Variants in RBPJ observed in about 807,000 individuals in gnomAD.
RBPJ encodes recombining binding protein suppressor of hairless.
A neutral mutation model predicts 67.8 loss-of-function variants in RBPJ; 9 were observed. The observed-to-expected ratio is 0.13, with a 90% confidence interval of 0.08 to 0.23. RBPJ has a LOEUF of 0.23. RBPJ is among the 10% of genes least tolerant of loss of function. The pLI, the probability that RBPJ is intolerant of heterozygous loss-of-function variation, is 1.00. For synonymous variants in RBPJ, 198 were observed against 203.3 expected (o/e 0.97, Z 0.22); for missense variants, 305 against 595.6 (o/e 0.51, Z 5.08).
At chr4:26,235,358 A>G (rs1285118614) in intron 1 of RBPJ, among the ~76,000 whole-genome samples, 1 of 152,252 alleles carries the variant, frequency 6.6e-6, no homozygotes, top group Non-Finnish European at 1.5e-5. Context: ...TGTGACCTAA[A>G]TAAGATGTGT....
chr4:26,420,872 T>C, intron 5 of RBPJ, 147 bp downstream of exon 5: 1 of 661,932 alleles, frequency 1.5e-6, no homozygotes, highest in Non-Finnish European at 2.5e-6. Flanking sequence ...CTTTTTTTAA[T>C]CGTAAATCGA....
At chr4:26,172,507 C>T (rs2109119682) in intron 1 of RBPJ, among the ~76,000 whole-genome samples, 1 of 152,266 alleles carries the variant, frequency 6.6e-6, no homozygotes, top group South Asian at 2.1e-4. Flanking sequence ...ATTTCCTATC[C>T]ACACTGCCAG....
the RBPJ span, among the ~76,000 whole-genome samples, chr4:26,140,240 C>T: frequency 7.2e-5 from 11 of 152,214 alleles, no homozygotes; most frequent in African/African-American, 2.2e-4. Context: ...GACACAGGGG[C>T]CTCCTTAATT....
the RBPJ span, among the ~76,000 whole-genome samples, chr4:26,109,577 C>CTATATATA: frequency 4.6e-4 from 23 of 49,558 alleles, 4 homozygotes; most frequent in African/African-American, 2.2e-3. Context: ...CTCTCTCTCT[C>CTATATATA]TCTATATATA....
the RBPJ span, among the ~76,000 whole-genome samples, chr4:26,136,097 C>T: frequency 2.3e-3 from 356 of 152,252 alleles, 2 homozygotes; most frequent in African/African-American, 7.8e-3. Flanking sequence ...CATCAGATCC[C>T]GTGAGACTTA....
chr4:26,308,531 A>G (rs531685498), intron 1 of RBPJ, among the ~76,000 whole-genome samples: 1 of 152,348 alleles, frequency 6.6e-6, no homozygotes, highest in Non-Finnish European at 1.5e-5. Flanking sequence ...TTGTTAACCT[A>G]ATTACAGCAG....
At chr4:26,108,373 T>TAAA in the RBPJ span, among the ~76,000 whole-genome samples, 1 of 152,218 alleles carries the variant, frequency 6.6e-6, no homozygotes, top group Non-Finnish European at 1.5e-5. Flanking sequence ...CAGTGGGCAG[T>TAAA]TCCCTTTGCC....
chr4:26,192,029 G>A (rs1454136530), intron 1 of RBPJ, among the ~76,000 whole-genome samples: 2 of 137,430 alleles, frequency 1.5e-5, no homozygotes, highest in African/African-American at 5.6e-5. Flanking sequence ...TTTTTTTTGA[G>A]GCAGAGTCTC....
chr4:26,313,729 G>A (rs903505459), intron 1 of RBPJ, among the ~76,000 whole-genome samples: 1 of 151,720 alleles, frequency 6.6e-6, no homozygotes, highest in African/African-American at 2.4e-5. Context: ...CCAGCTACTC[G>A]GGAGGTTGAG....
At chr4:26,204,140 G>T (rs971967560) in intron 1 of RBPJ, among the ~76,000 whole-genome samples, 2 of 151,980 alleles carry the variant, frequency 1.3e-5, no homozygotes, top group Admixed American at 1.3e-4. Context: ...GGATGGGGGG[G>T]TCTCACCATG....
intron 1 of RBPJ, among the ~76,000 whole-genome samples, chr4:26,257,634 A>G (rs73245748): frequency 0.026 from 3,935 of 152,240 alleles, 116 homozygotes; most frequent in South Asian, 0.079. Flanking sequence ...TGTCTCAAAA[A>G]AAGAGAAGTG....
the RBPJ span, among the ~76,000 whole-genome samples, chr4:26,152,474 C>A: frequency 6.6e-6 from 1 of 152,192 alleles, no homozygotes; most frequent in Admixed American, 6.5e-5. Context: ...CATGAGATCC[C>A]ATAACTGGTA....
At chr4:26,407,948 T>C (rs1007196725) in intron 3 of RBPJ, among the ~76,000 whole-genome samples, 1 of 130,826 alleles carries the variant, frequency 7.6e-6, no homozygotes, top group African/African-American at 2.9e-5. Context: ...TGGAGTGCAG[T>C]GGTATGATTT....
At chr4:26,263,552 C>T (rs1005337645) in intron 1 of RBPJ, among the ~76,000 whole-genome samples, 2 of 152,112 alleles carry the variant, frequency 1.3e-5, no homozygotes, top group African/African-American at 4.8e-5. Context: ...ATTTTAAGCT[C>T]TATGAGGACA....
chr4:26,175,249 G>A (rs1178186191), intron 1 of RBPJ, among the ~76,000 whole-genome samples: 4 of 152,146 alleles, frequency 2.6e-5, no homozygotes, highest in Admixed American at 2.0e-4. Context: ...CTGGAATTCG[G>A]ATGCTCAGAG....
At chr4:26,342,076 C>T (rs1236933368) in intron 1 of RBPJ, among the ~76,000 whole-genome samples, 8 of 152,164 alleles carry the variant, frequency 5.3e-5, no homozygotes, top group Admixed American at 4.6e-4. Flanking sequence ...TGGACCCCAT[C>T]TCCAGAGTTT....
chr4:26,157,995 A>G, the RBPJ span, among the ~76,000 whole-genome samples: 16 of 152,244 alleles, frequency 1.1e-4, no homozygotes, highest in Non-Finnish European at 2.2e-4. Flanking sequence ...TGAACTATCT[A>G]GCTGAACCCA....
At chr4:26,369,142 A>G (rs1728909083) in intron 1 of RBPJ, among the ~76,000 whole-genome samples, 1 of 152,242 alleles carries the variant, frequency 6.6e-6, no homozygotes, top group Admixed American at 6.5e-5. Context: ...ACATGCATCT[A>G]TCTTGTCATG....
upstream of RBPJ, chr4:26,320,643 C>G: frequency 7.6e-7 from 1 of 1,310,652 alleles, no homozygotes; most frequent in Non-Finnish European, 1.0e-6. Context: ...TCCTCGGCCC[C>G]GCCTCCTGAC....
Sources: allele counts gnomAD v4.1 joint callset (sites outside exome capture counted in the v4.1 genomes callset), GRCh38; gene constraint gnomAD v4.1.1; transcripts MANE v1.5; gene names NCBI Gene and HGNC (gene_info 2026-07-23, HGNC 2026-07-21).